Variants in ABCA1 observed in about 807,000 individuals in gnomAD.
ABCA1 encodes ATP binding cassette subfamily A member 1, also known as phospholipid-transporting ATPase ABCA1.
ABCA1 carries 133 observed loss-of-function variants against 262.5 expected under a neutral mutation model. The ratio of observed to expected loss-of-function variants is 0.51; its 90% CI spans 0.44 to 0.59. The LOEUF (loss-of-function observed/expected upper bound fraction) is 0.59, where lower values mean the gene tolerates loss of function less well. Ranked by LOEUF, ABCA1 falls within the 20% of genes least tolerant of loss-of-function variation. The pLI, the probability that ABCA1 is intolerant of heterozygous loss-of-function variation, is 0.00. For missense variants in ABCA1, 2,452 were observed against 2,777.5 expected, an observed-to-expected ratio of 0.88 and a Z score of 2.63; for synonymous variants, 1,022 against 1,043.5, an observed-to-expected ratio of 0.98 and a Z score of 0.40.
intron 5 of ABCA1, among the ~76,000 whole-genome samples, chr9:104,862,701 G>GGCAGGGCAGGGCAGGGCAGC (rs1368415290): frequency 5.5e-4 from 1 of 1,816 alleles, no homozygotes; most frequent in African/African-American, 1.6e-3. Context: ...GGCCGGGCCG[G>GGCAGGGCAGGGCAGGGCAGC]CCCCCACCCC....
At chr9:104,787,241 A>G (rs1408950170) in intron 46 of ABCA1, among the ~76,000 whole-genome samples, 1 of 152,218 alleles carries the variant, frequency 6.6e-6, no homozygotes, top group African/African-American at 2.4e-5. Context: ...ATAGGGAAGG[A>G]AAAAGGCCAT....
In ABCA1 at chr9:104,787,901, C is replaced by T; in HGVS notation, c.6204+19G>A. 6.2e-7 allele frequency: 1 copy of T among 1,613,950 alleles called. No homozygotes were observed. The highest frequency in any genetic ancestry group is 8.5e-7 in the Non-Finnish European group (1 of 1,179,864). On this transcript the variant is annotated intron_variant, in intron 46 of 49. Coordinates refer to ENST00000374736, the MANE Select transcript of ABCA1 (RefSeq NM_005502.4). ...CACTCAGGCCAGAACAACAGTTTTC[C>T]ATCCACAGTTATACTCACCAGAAAC...
At chr9:104,836,311 A>T (rs1833813561) in intron 11 of ABCA1, among the ~76,000 whole-genome samples, 2 of 152,214 alleles carry the variant, frequency 1.3e-5, no homozygotes, top group Non-Finnish European at 2.9e-5. Context: ...GGGAGCAGAG[A>T]CAAAAGGAAG....
In ABCA1 at chr9:104,821,559, C is replaced by A; in HGVS notation, c.2829-53G>T. On this transcript the variant is annotated intron_variant, in intron 19 of 49. Transcript: ENST00000374736. ...AGTCAGGGTTGACCTACCCTTAACTCTAGATGCTCCATTCAGTCTGCAGAG... is the reference window on the plus strand; with the variant it reads ...AGTCAGGGTTGACCTACCCTTAACTATAGATGCTCCATTCAGTCTGCAGAG... The A allele has an allele frequency of 1.2e-6, 2 of 1,605,830 alleles. 1 individual carries two copies. The highest frequency in any genetic ancestry group is 3.3e-5 in the Admixed American group (2 of 59,844).
chr9:104,804,383 T>C (rs1203914544), intron 32 of ABCA1, among the ~76,000 whole-genome samples: 1 of 152,208 alleles, frequency 6.6e-6, no homozygotes, highest in Admixed American at 6.5e-5. Context: ...GTGGCAAAAT[T>C]TGACGTTGAA....
chr9:104,858,469 A>G (rs1029910198), intron 7 of ABCA1, 53 bp downstream of exon 7: 18 of 1,571,420 alleles, frequency 1.1e-5, no homozygotes, highest in Non-Finnish European at 1.6e-5. Flanking sequence ...GAAAAGCCTC[A>G]CATTCCGAAA....
chr9:104,793,122 C>T, intron 41 of ABCA1, 49 bp downstream of exon 41: 1 of 1,612,482 alleles, frequency 6.2e-7, no homozygotes, highest in Admixed American at 1.7e-5. Flanking sequence ...TGTGCGCCTC[C>T]TCTGTGACCC....
chr9:104,858,199 ACT>A (rs1352706272), intron 7 of ABCA1, among the ~76,000 whole-genome samples: 1 of 152,016 alleles, frequency 6.6e-6, no homozygotes, highest in African/African-American at 2.4e-5. Context: ...AATATGAAGA[ACT>A]CTGTTTTCAA....
At chr9:104,890,773 A>T (rs542711446) in intron 2 of ABCA1, among the ~76,000 whole-genome samples, 1 of 152,064 alleles carries the variant, frequency 6.6e-6, no homozygotes, top group Admixed American at 6.5e-5. Flanking sequence ...CAAAGCAGAA[A>T]TTTTTTCTTG....
chr9:104,819,834 G>A (rs1287558716), intron 21 of ABCA1, 93 bp downstream of exon 21: 1 of 1,609,606 alleles, frequency 6.2e-7, no homozygotes, highest in Non-Finnish European at 8.5e-7. Context: ...ACCGCACCCA[G>A]CCTGGGACCC....
chr9:104,862,675 G>C (rs1442428161), intron 5 of ABCA1, among the ~76,000 whole-genome samples: 76 of 1,376 alleles, frequency 0.055, 18 homozygotes, highest in African/African-American at 0.18. Flanking sequence ...GGGCCGGGCC[G>C]GGCCGGGCCG....
At position 104,832,489 on chromosome 9, in the gene ABCA1, CT is replaced by C. The variant is rs55659052; in HGVS notation, c.1509+84del. The C allele has an allele frequency of 0.09, 130,574 of 1,448,316 alleles. 6,295 individuals are homozygous for C. Among genetic ancestry groups the C allele is most frequent in the Non-Finnish European group, 0.097 (100,532 of 1,033,888 alleles). 89.7% of individuals were successfully genotyped at this position (1,448,316 alleles called of 1,614,324 possible). ...AATGAGACTATACATTATTTCTAAA[CT>C]TGCCTCCTGCCTGAACCTTATTGTA... is the stretch of plus-strand genomic sequence containing the variant. On this transcript the variant is annotated intron_variant, in intron 12 of 49. Coordinates refer to ENST00000374736, the MANE Select transcript of ABCA1 (RefSeq NM_005502.4).
rs1832171975 is a variant in ABCA1 at position 104,820,032 on chromosome 9, A to C, written c.2998T>G (p.Leu1000Val). Residue 1000 changes from leucine to valine, a missense_variant, in exon 21 of 50, where the codon TTG becomes GTG. Physicochemically the swap from Leu to Val is conservative, Grantham distance 32. Transcript: ENST00000374736. Reference sequence around the variant, plus strand: ...ACGTGCTTCTCAGAGAGCCCTTTCAAGCGGGCATAGAACCAGATGTGTTCT... The same window carrying C: ...ACGTGCTTCTCAGAGAGCCCTTTCACGCGGGCATAGAACCAGATGTGTTCT... ...VEEHIWFYAR[L>V]KGLSEKHVKA... 1 of 1,614,030 alleles carries C rather than the reference A, an allele frequency of 6.2e-7. No homozygotes were observed. The highest frequency in any genetic ancestry group is 1.1e-5 in the South Asian group (1 of 91,084).
intron 3 of ABCA1, among the ~76,000 whole-genome samples, chr9:104,888,065 G>A (rs1345815483): frequency 6.6e-6 from 1 of 150,688 alleles, no homozygotes; most frequent in Non-Finnish European, 1.5e-5. Context: ...AGGGGTGTGT[G>A]TGTGTGTGTG....
chr9:104,828,540 T>C (rs767060206), intron 15 of ABCA1, among the ~76,000 whole-genome samples: 10 of 152,210 alleles, frequency 6.6e-5, no homozygotes, highest in Non-Finnish European at 1.3e-4. Context: ...ATATATATCC[T>C]TCTGATTATT....
chr9:104,825,094 G>A (rs547787668), intron 17 of ABCA1, among the ~76,000 whole-genome samples: 1 of 152,252 alleles, frequency 6.6e-6, no homozygotes, highest in African/African-American at 2.4e-5. Context: ...TAAGAAAGAA[G>A]TACTAAAGAA....
chr9:104,834,924 T>C (rs1588348475), intron 11 of ABCA1, among the ~76,000 whole-genome samples: 1 of 152,114 alleles, frequency 6.6e-6, no homozygotes, highest in East Asian at 1.9e-4. Flanking sequence ...GACAAGCTCA[T>C]GTTTGTGGAA....
intron 1 of ABCA1, among the ~76,000 whole-genome samples, chr9:104,905,547 C>A (rs1841060859): frequency 6.6e-6 from 1 of 152,212 alleles, no homozygotes; most frequent in Non-Finnish European, 1.5e-5. Context: ...TAGAAGGACA[C>A]AGGCCTCCAA....
chr9:104,841,990 G>C (rs1834417937), intron 8 of ABCA1, among the ~76,000 whole-genome samples: 1 of 152,220 alleles, frequency 6.6e-6, no homozygotes, highest in Non-Finnish European at 1.5e-5. Context: ...CTGAGCTATA[G>C]AGCACAGAGG....
Sources: gnomAD v4.1 joint callset for allele counts (sites outside exome capture counted in the v4.1 genomes callset) on GRCh38, gnomAD v4.1.1 for gene constraint, MANE v1.5 for transcripts, NCBI Gene and HGNC (gene_info 2026-07-23, HGNC 2026-07-21) for gene names.